CYP2J2: variants seen among roughly 807,000 people sequenced by gnomAD.
The protein encoded by CYP2J2 is cytochrome P450 family 2 subfamily J member 2.
CYP2J2 carries 41 observed loss-of-function variants against 48.8 expected under a neutral mutation model. The ratio of observed to expected loss-of-function variants is 0.84; its 90% CI spans 0.66 to 1.09. The LOEUF is 1.09. CYP2J2 is among the 50% of genes least tolerant of loss of function. CYP2J2 has a pLI of 0.00. For missense variants in CYP2J2, 644 were observed against 617.3 expected (o/e 1.04, Z -0.46); for synonymous variants, 221 against 227.1 (o/e 0.97, Z 0.24).
chr1:59,905,140 A>G lies in CYP2J2; in HGVS notation c.1004-82T>C, dbSNP rs182124119. 7 of 1,367,662 alleles carry G rather than the reference A, an allele frequency of 5.1e-6. No homozygotes were observed. In the African/African-American group the frequency reaches 8.9e-5, roughly 17 times the overall value. The allele number at this position is 1,367,662 out of a possible 1,614,324, so 84.7% of individuals were successfully genotyped here. A position where few individuals can be genotyped will look rare whatever the true frequency, so the allele number is the denominator to read the frequency against. The stretch of plus-strand genomic sequence containing the variant: ...AGGTATGAGTGGTCTCCAAGATGTC[A>G]TCTGTTGTATTTCAATTAGTGACCA... On this transcript the variant is annotated intron_variant, in intron 6 of 8. Coordinates refer to ENST00000371204, the MANE Select transcript of CYP2J2 (RefSeq NM_000775.4).
At chr1:59,935,021 T>TATATATACAC in the CYP2J2 span, among the ~76,000 whole-genome samples, 3 of 48,146 alleles carry the variant, frequency 6.2e-5, no homozygotes, top group African/African-American at 2.5e-4. Flanking sequence ...TATACATATA[T>TATATATACAC]ATATATATAT....
chr1:59,922,049 G>A (rs370372225), intron 1 of CYP2J2, among the ~76,000 whole-genome samples: 4 of 152,200 alleles, frequency 2.6e-5, no homozygotes, highest in Non-Finnish European at 5.9e-5. Flanking sequence ...TGGCGGCATC[G>A]CAGGTCCAGA....
intron 8 of CYP2J2, among the ~76,000 whole-genome samples, chr1:59,899,655 G>C (rs1644299982): frequency 6.6e-6 from 1 of 152,172 alleles, no homozygotes; most frequent in South Asian, 2.1e-4. Flanking sequence ...TGATTAATCT[G>C]GTTGACATTG....
At chr1:59,955,945 C>CAT in the CYP2J2 span, among the ~76,000 whole-genome samples, 6 of 151,920 alleles carry the variant, frequency 3.9e-5, no homozygotes, top group African/African-American at 1.2e-4. Context: ...TTTTCTGAAC[C>CAT]ATTTGAGGGT....
At chr1:59,912,375 T>A in intron 2 of CYP2J2, 64 bp from the exon 3 acceptor site, 1 of 1,516,376 alleles carries the variant, frequency 6.6e-7, no homozygotes, top group Admixed American at 1.9e-5. Flanking sequence ...CAGCAAATGA[T>A]ATGGGAATGT....
upstream of CYP2J2, among the ~76,000 whole-genome samples, chr1:59,931,527 T>C (rs1644603126): frequency 6.6e-6 from 1 of 152,134 alleles, no homozygotes; most frequent in Non-Finnish European, 1.5e-5. Context: ...GAGTAGAACA[T>C]ATATAACATA....
intron 8 of CYP2J2, among the ~76,000 whole-genome samples, chr1:59,895,028 A>G (rs990782617): frequency 6.6e-6 from 1 of 152,236 alleles, no homozygotes; most frequent in Non-Finnish European, 1.5e-5. Flanking sequence ...TAAATTGTCT[A>G]CATTACCCAT....
chr1:59,965,678 G>T, the CYP2J2 span, among the ~76,000 whole-genome samples: 1 of 152,046 alleles, frequency 6.6e-6, no homozygotes, highest in Non-Finnish European at 1.5e-5. Context: ...TTGAGACAGA[G>T]TCTCACTCTG....
intron 7 of CYP2J2, among the ~76,000 whole-genome samples, chr1:59,902,011 C>T (rs527277603): frequency 6.6e-6 from 1 of 152,292 alleles, no homozygotes; most frequent in African/African-American, 2.4e-5. Flanking sequence ...GCACTACTCT[C>T]CCCCTCTGCC....
At chr1:59,961,466 T>C in the CYP2J2 span, among the ~76,000 whole-genome samples, 1 of 152,120 alleles carries the variant, frequency 6.6e-6, no homozygotes, top group Non-Finnish European at 1.5e-5. Context: ...AAAAAAGACA[T>C]ACAACTAAGG....
rs1644352637 is a variant in CYP2J2, at chr1:59,904,933, G to T, written c.1129C>A (p.Pro377Thr). ...GTCACTTCCCTGGGAACGTTCAGGG[G>T]GATGATGTTGCCCATTCTCTGCACC... is the stretch of plus-strand genomic sequence containing the variant. Reference protein sequence around the residue: ...HEVQRMGNIIPLNVPREVTVD... With the variant: ...HEVQRMGNIITLNVPREVTVD... Residue 377 changes from proline to threonine, a missense_variant, in exon 7 of 9, where the codon CCC becomes ACC. By Grantham distance (38) the Pro-to-Thr change is conservative. Transcript: ENST00000371204. The T allele has an allele frequency of 6.2e-7, 1 of 1,613,732 alleles. No homozygotes were observed. Among genetic ancestry groups the T allele is most frequent in the African/African-American group, 1.3e-5 (1 of 74,874 alleles).
the CYP2J2 span, among the ~76,000 whole-genome samples, chr1:59,933,966 C>T: frequency 1.2e-4 from 18 of 152,170 alleles, no homozygotes; most frequent in African/African-American, 4.1e-4. Context: ...GCTGCAGGCA[C>T]AAAACTTTCC....
chr1:59,919,682 G>C (rs1644496966), intron 1 of CYP2J2, among the ~76,000 whole-genome samples: 2 of 152,284 alleles, frequency 1.3e-5, no homozygotes, highest in South Asian at 4.1e-4. Flanking sequence ...GTATATGATA[G>C]ACCTGATCTC....
intron 6 of CYP2J2, among the ~76,000 whole-genome samples, chr1:59,907,509 T>C (rs1401392413): frequency 9.2e-5 from 14 of 152,230 alleles, no homozygotes; most frequent in Admixed American, 8.5e-4. Flanking sequence ...AGTTAACTGT[T>C]TCCTGGAACT....
At chr1:59,968,851 C>A in the CYP2J2 span, among the ~76,000 whole-genome samples, 1 of 152,222 alleles carries the variant, frequency 6.6e-6, no homozygotes, top group South Asian at 2.1e-4. Flanking sequence ...AAGAATGAAG[C>A]CGCGGACCCT....
At chr1:59,900,399 G>A (rs538113357) in intron 8 of CYP2J2, among the ~76,000 whole-genome samples, 7 of 152,336 alleles carry the variant, frequency 4.6e-5, no homozygotes, top group East Asian at 1.9e-4. Flanking sequence ...TTGGGAGGCC[G>A]AGGCGGGTGG....
chr1:59,952,843 A>G, the CYP2J2 span, among the ~76,000 whole-genome samples: 1 of 152,138 alleles, frequency 6.6e-6, no homozygotes, highest in Non-Finnish European at 1.5e-5. Flanking sequence ...TCCCTCCTCT[A>G]CCTATCTTTT....
upstream of CYP2J2, among the ~76,000 whole-genome samples, chr1:59,927,519 CT>C (rs1294002669): frequency 6.6e-6 from 1 of 152,096 alleles, no homozygotes; most frequent in Non-Finnish European, 1.5e-5. Context: ...TGAAACATAG[CT>C]CAGGAATAGT....
At chr1:59,895,946 T>C (rs1243816301) in intron 8 of CYP2J2, among the ~76,000 whole-genome samples, 1 of 152,186 alleles carries the variant, frequency 6.6e-6, no homozygotes, top group Admixed American at 6.6e-5. Flanking sequence ...GGGATTCCTG[T>C]TTTTATTCAA....
Sources: allele counts gnomAD v4.1 joint callset (sites outside exome capture counted in the v4.1 genomes callset), GRCh38; gene constraint gnomAD v4.1.1; transcripts MANE v1.5; gene names NCBI Gene and HGNC (gene_info 2026-07-23, HGNC 2026-07-21).